ITGA2: variants seen among roughly 807,000 people sequenced by gnomAD.
The protein encoded by ITGA2 is integrin alpha-2.
Under a neutral mutation model 146.3 loss-of-function variants are expected in ITGA2, and 101 were observed. That is an observed-to-expected ratio of 0.69 (90% CI 0.59 to 0.81). The LOEUF is 0.81. ITGA2 is among the 40% of genes least tolerant of loss of function. The pLI is 0.00. For missense variants in ITGA2, 1,281 were observed against 1,402.7 expected (o/e 0.91, Z 1.39); for synonymous variants, 477 against 487.1 (o/e 0.98, Z 0.27).
chr5:53,023,815 A>AT (rs1189351106), intron 1 of ITGA2, among the ~76,000 whole-genome samples: 1 of 152,218 alleles, frequency 6.6e-6, no homozygotes, highest in Admixed American at 6.5e-5. Flanking sequence ...ACTTCCATTA[A>AT]TTTTTTATGA....
Position 53,080,390 on chromosome 5 carries a change from T to C in ITGA2, c.2929-121T>C, listed in dbSNP as rs1745862793. The C allele has an allele frequency of 1.4e-5, 11 of 786,060 alleles. No homozygotes were observed. In the Admixed American group the frequency reaches 2.1e-4, roughly 15 times the overall value. 48.7% of individuals were successfully genotyped at this position (786,060 alleles called of 1,614,324 possible). ...GTGTGACTATAAAGTAATGGCTGAC[T>C]TTCATTTGGACTCAGTCTTACCACC... On this transcript the variant is annotated intron_variant, in intron 24 of 29. Transcript: ENST00000296585.
chr5:53,058,160 A>G lies in ITGA2; in HGVS notation c.1173+59A>G. On this transcript the variant is annotated intron_variant, in intron 10 of 29. Coordinates refer to ENST00000296585, the MANE Select transcript of ITGA2 (RefSeq NM_002203.4). The stretch of plus-strand genomic sequence containing the variant: ...CATTTGGCATAACACTTCCAGACAC[A>G]GTAGCCTTATACATAAAATGGGAAG... 4.0e-6 allele frequency: 5 copies of G among 1,242,946 alleles called. No individual in the cohort carries two copies. In the South Asian group the frequency reaches 4.8e-5, roughly 12 times the overall value. 77.0% of individuals were successfully genotyped at this position (1,242,946 alleles called of 1,614,324 possible).
At chr5:53,079,284 A>T (rs1311881405) in intron 24 of ITGA2, among the ~76,000 whole-genome samples, 1 of 152,180 alleles carries the variant, frequency 6.6e-6, no homozygotes, top group Non-Finnish European at 1.5e-5. Context: ...ATTACTATAA[A>T]GGAAGGTATT....
At chr5:52,999,860 A>T (rs886382377) in intron 1 of ITGA2, among the ~76,000 whole-genome samples, 1 of 152,178 alleles carries the variant, frequency 6.6e-6, no homozygotes. Flanking sequence ...TTAACACATA[A>T]TTTTTTAAAA....
At chr5:53,017,303 G>T (rs773090690) in intron 1 of ITGA2, among the ~76,000 whole-genome samples, 15 of 152,208 alleles carry the variant, frequency 9.9e-5, no homozygotes, top group Non-Finnish European at 1.8e-4. Flanking sequence ...GGATGTGATT[G>T]TGGTGTTTAG....
In ITGA2 at chr5:53,012,605, G is replaced by A. The variant is rs188164148; in HGVS notation, c.65-14143G>A. 1.3e-3 allele frequency among the ~76,000 whole-genome samples: 194 copies of A among 152,168 alleles called. 1 individual carries two copies. In the South Asian group the frequency reaches 0.027, roughly 21 times the overall value. On this transcript the variant is annotated intron_variant, in intron 1 of 29. Coordinates refer to ENST00000296585, the MANE Select transcript of ITGA2 (RefSeq NM_002203.4). ...ATGGTAAAACAATTTATAGTCCTTTGGGTGTATACCTAATAATGGGATTGC... is the reference window on the plus strand; with the variant it reads ...ATGGTAAAACAATTTATAGTCCTTTAGGTGTATACCTAATAATGGGATTGC...
At chr5:53,079,739 G>A (rs1354957639) in intron 24 of ITGA2, among the ~76,000 whole-genome samples, 1 of 152,178 alleles carries the variant, frequency 6.6e-6, no homozygotes, top group African/African-American at 2.4e-5. Context: ...CTTTAATGGG[G>A]CATCTATTCA....
intron 24 of ITGA2, 128 bp downstream of exon 24, chr5:53,079,002 A>G (rs2112019091): frequency 1.5e-6 from 1 of 689,394 alleles, no homozygotes; most frequent in East Asian, 2.7e-5. Flanking sequence ...TTGGGTGTGC[A>G]TTACAATCAC....
In ITGA2 at chr5:53,094,673, A is replaced by T. The variant is rs1306696850; in HGVS notation, c.*4074A>T. The stretch of plus-strand genomic sequence containing the variant: ...GTTTTTCTCATATCCAAGTATAACA[A>T]ACAGAAAAGTTTCATTATTGTAACC... On this transcript the variant is annotated 3_prime_UTR_variant, in exon 30 of 30. Transcript: ENST00000296585. The T allele has an allele frequency of 1.3e-5, 2 of 152,120 alleles. No homozygotes were observed. The highest frequency in any genetic ancestry group is 2.9e-5 in the Non-Finnish European group (2 of 68,048). 9.4% of individuals were successfully genotyped at this position (152,120 alleles called of 1,614,324 possible).
intron 2 of ITGA2, among the ~76,000 whole-genome samples, chr5:53,040,236 G>T (rs1392956576): frequency 3.3e-5 from 5 of 152,104 alleles, no homozygotes; most frequent in Non-Finnish European, 1.5e-5. Context: ...AAAAAGCCAG[G>T]GTTAGAGAAG....
At chr5:53,002,547 T>A (rs1010798902) in intron 1 of ITGA2, among the ~76,000 whole-genome samples, 2 of 152,218 alleles carry the variant, frequency 1.3e-5, no homozygotes, top group African/African-American at 4.8e-5. Flanking sequence ...GTGAGTTTTA[T>A]ATTTATAACT....
intron 4 of ITGA2, among the ~76,000 whole-genome samples, chr5:53,045,750 T>C (rs938547951): frequency 6.6e-6 from 1 of 151,700 alleles, no homozygotes; most frequent in Non-Finnish European, 1.5e-5. Flanking sequence ...AAAAATAATA[T>C]AGGAAATTGT....
At chr5:53,020,741 G>C (rs1742638345) in intron 1 of ITGA2, among the ~76,000 whole-genome samples, 1 of 151,468 alleles carries the variant, frequency 6.6e-6, no homozygotes, top group Non-Finnish European at 1.5e-5. Context: ...GAGTGCAGTG[G>C]CTCGATCTTG....
intron 1 of ITGA2, among the ~76,000 whole-genome samples, chr5:53,020,144 C>T (rs762747571): frequency 6.6e-6 from 1 of 152,026 alleles, no homozygotes. Flanking sequence ...CATAAATACT[C>T]AATAAGTTTA....
In ITGA2 at chr5:53,007,467, T is replaced by C. The variant is rs115922892; in HGVS notation, c.64+17935T>C. Among the ~76,000 whole-genome samples, 1,191 of 150,010 alleles carry C rather than the reference T, an allele frequency of 7.9e-3. 12 individuals carry two copies. The highest frequency in any genetic ancestry group is 0.013 in the Non-Finnish European group (874 of 67,358). On this transcript the variant is annotated intron_variant, in intron 1 of 29. Transcript: ENST00000296585. ...AGGTGACAGGCACTGACTTGCTAAATACACACAAAATATGCTATTTTGAGA... is the reference window on the plus strand; with the variant it reads ...AGGTGACAGGCACTGACTTGCTAAACACACACAAAATATGCTATTTTGAGA...
intron 3 of ITGA2, among the ~76,000 whole-genome samples, chr5:53,044,122 A>G (rs531032039): frequency 3.7e-4 from 56 of 151,770 alleles, no homozygotes; most frequent in African/African-American, 1.3e-3. Context: ...TAAAATACAA[A>G]AAATTATCCA....
At chr5:53,031,655 C>G (rs1383569284) in intron 2 of ITGA2, among the ~76,000 whole-genome samples, 1 of 152,194 alleles carries the variant, frequency 6.6e-6, no homozygotes, top group Non-Finnish European at 1.5e-5. Context: ...ACTCTAGAAA[C>G]AGTGGTGACA....
At chr5:53,079,381 A>G (rs1745809212) in intron 24 of ITGA2, among the ~76,000 whole-genome samples, 1 of 152,148 alleles carries the variant, frequency 6.6e-6, no homozygotes, top group Admixed American at 6.6e-5. Context: ...TTTGTATACA[A>G]ATCTGTACAG....
chr5:53,029,608 C>T (rs1743128665), intron 2 of ITGA2, among the ~76,000 whole-genome samples: 1 of 152,200 alleles, frequency 6.6e-6, no homozygotes, highest in South Asian at 2.1e-4. Flanking sequence ...CTGAGTCACT[C>T]CAGCCTTACA....
Sources: gnomAD v4.1 joint callset for allele counts (sites outside exome capture counted in the v4.1 genomes callset) on GRCh38, gnomAD v4.1.1 for gene constraint, MANE v1.5 for transcripts, NCBI Gene and HGNC (gene_info 2026-07-23, HGNC 2026-07-21) for gene names.